Variants in PTPRN2 observed in about 807,000 individuals in gnomAD.
PTPRN2 encodes the protein protein tyrosine phosphatase receptor type N2.
PTPRN2 carries 74 observed loss-of-function variants against 118.8 expected under a neutral mutation model. The observed-to-expected ratio is 0.62, with a 90% CI of 0.52 to 0.76. The LOEUF (loss-of-function observed/expected upper bound fraction) is 0.76. Among genes scored for constraint, PTPRN2 ranks in the 30% least tolerant of loss-of-function variants. PTPRN2 has a pLI of 0.00. For synonymous variants in PTPRN2, 641 were observed against 608.0 expected (o/e 1.05, Z -0.80); for missense variants, 1,481 against 1,394.4 (o/e 1.06, Z -0.99).
At chr7:158,303,182 A>AAAAAAAAAAAAAC (rs1274915635) in intron 3 of PTPRN2, among the ~76,000 whole-genome samples, 3 of 151,782 alleles carry the variant, frequency 2.0e-5, no homozygotes, top group African/African-American at 7.3e-5. Flanking sequence ...AAAAAAAAAA[A>AAAAAAAAAAAAAC]AAATTCTTTG....
chr7:157,755,165 G>A (rs187374682), intron 12 of PTPRN2, among the ~76,000 whole-genome samples: 3 of 152,170 alleles, frequency 2.0e-5, no homozygotes, highest in East Asian at 1.9e-4. Flanking sequence ...GATTACAGGC[G>A]TGAGCCACCA....
chr7:158,117,603 A>C (rs995348326), intron 9 of PTPRN2, among the ~76,000 whole-genome samples: 1 of 152,228 alleles, frequency 6.6e-6, no homozygotes, highest in Non-Finnish European at 1.5e-5. Context: ...ATTAACTCAG[A>C]GACACATTTT....
chr7:158,025,925 A>G (rs1807229081), intron 11 of PTPRN2, among the ~76,000 whole-genome samples: 1 of 152,190 alleles, frequency 6.6e-6, no homozygotes, highest in African/African-American at 2.4e-5. Flanking sequence ...TTTGCTTTCA[A>G]TTCCTTTTGT....
Position 157,548,845 on chromosome 7 carries a change from G to A in PTPRN2, c.2976+101C>T, listed in dbSNP as rs192736691. ...GGTCAGAGCAGAGCAATCGGTGTGC[G>A]GCTCACATTAAACCAGGCCCTCCCC... On this transcript the variant is annotated intron_variant, in intron 22 of 22. Transcript: ENST00000389418. The A allele has an allele frequency of 9.4e-4, 1,086 of 1,158,048 alleles. 9 individuals carry two copies. Among genetic ancestry groups the A allele is most frequent in the South Asian group, 6.9e-3 (551 of 79,728 alleles). 71.7% of individuals were successfully genotyped at this position (1,158,048 alleles called of 1,614,324 possible).
intron 1 of PTPRN2, among the ~76,000 whole-genome samples, chr7:158,586,374 C>CA (rs956629836): frequency 5.3e-5 from 8 of 152,210 alleles, no homozygotes; most frequent in African/African-American, 1.9e-4. Flanking sequence ...CCAGAAGGGC[C>CA]TAGAGGCCGA....
intron 3 of PTPRN2, among the ~76,000 whole-genome samples, chr7:158,280,625 C>T (rs1376832281): frequency 6.6e-6 from 1 of 152,218 alleles, no homozygotes; most frequent in Non-Finnish European, 1.5e-5. Flanking sequence ...GCCGAGAGAG[C>T]CTGGGGGAGC....
intron 11 of PTPRN2, among the ~76,000 whole-genome samples, chr7:157,980,952 C>A (rs1356162229): frequency 6.6e-6 from 1 of 152,056 alleles, no homozygotes; most frequent in Non-Finnish European, 1.5e-5. Flanking sequence ...AGCCAGTTCC[C>A]ACCAAACCCC....
At position 157,808,332 on chromosome 7, in the gene PTPRN2, G is replaced by A. The variant is rs547501868; in HGVS notation, c.1788+90341C>T. 9.9e-5 allele frequency among the ~76,000 whole-genome samples: 15 copies of A among 151,956 alleles called. No homozygotes were observed. In the East Asian group the frequency reaches 2.3e-3, roughly 23 times the overall value. ...GTGAGTACGTGAGTGGCAGGTAAGC[G>A]GGTGAGTGGCGGGTGAGTGAGCGAG... On this transcript the variant is annotated intron_variant, in intron 12 of 22. Coordinates refer to ENST00000389418, the MANE Select transcript of PTPRN2 (RefSeq NM_002847.5). This position sits in a 1 kb window ranked among gnomAD's most constrained non-coding sequence, Gnocchi z 5.0.
At position 157,618,900 on chromosome 7, in the gene PTPRN2, G is replaced by A. The variant is rs1802973327; in HGVS notation, c.2344+2462C>T. 6.6e-6 allele frequency: 1 copy of A among 152,372 alleles called. No individual in the cohort carries two copies. The highest frequency in any genetic ancestry group is 1.5e-5 in the Non-Finnish European group (1 of 68,238). The allele number at this position is 152,372 out of a possible 1,614,324, so 9.4% of individuals were successfully genotyped here. A position where few individuals can be genotyped will look rare whatever the true frequency, so the allele number is the denominator to read the frequency against. ...TGGGTCGGGAGAACCCTGGGAGGAG[G>A]TGCAGGCAGCTTCTTTCTGGCTCCA... On this transcript the variant is annotated intron_variant, in intron 15 of 22. Coordinates refer to ENST00000389418, the MANE Select transcript of PTPRN2 (RefSeq NM_002847.5). The surrounding 1 kb of genome is among the most constrained non-coding windows in gnomAD (Gnocchi z 4.2).
intron 13 of PTPRN2, among the ~76,000 whole-genome samples, chr7:157,662,660 G>A (rs879495344): frequency 3.3e-5 from 5 of 152,206 alleles, no homozygotes; most frequent in Non-Finnish European, 7.3e-5. Context: ...CTGGAGGTGC[G>A]TAAGAGCTTC....
At chr7:158,150,823 T>C (rs958456386) in intron 6 of PTPRN2, among the ~76,000 whole-genome samples, 1 of 151,898 alleles carries the variant, frequency 6.6e-6, no homozygotes, top group Non-Finnish European at 1.5e-5. Flanking sequence ...AACTCTCCCA[T>C]GATGGTTGCA....
chr7:157,951,948 A>G (rs1227331708), intron 11 of PTPRN2, among the ~76,000 whole-genome samples: 1 of 152,144 alleles, frequency 6.6e-6, no homozygotes, highest in African/African-American at 2.4e-5. Context: ...ACCTGCCACA[A>G]CTGCCGGCTG....
intron 13 of PTPRN2, among the ~76,000 whole-genome samples, chr7:157,657,747 CACAT>C (rs1795644426): frequency 7.4e-6 from 1 of 135,984 alleles, no homozygotes; most frequent in African/African-American, 2.8e-5. Context: ...CATATACACA[CACAT>C]ACACCACACA....
intron 2 of PTPRN2, among the ~76,000 whole-genome samples, chr7:158,349,753 G>A (rs1807780292): frequency 1.0e-5 from 1 of 99,302 alleles, no homozygotes; most frequent in South Asian, 4.8e-4. Flanking sequence ...CCTGAGGGCA[G>A]TGCTGAGGGT....
chr7:157,541,460 C>T (rs1012170066), intron 22 of PTPRN2, among the ~76,000 whole-genome samples: 18 of 152,240 alleles, frequency 1.2e-4, no homozygotes, highest in African/African-American at 3.6e-4. Flanking sequence ...GCACGAGGGA[C>T]GGGTTCACGA....
intron 5 of PTPRN2, among the ~76,000 whole-genome samples, chr7:158,186,213 G>C (rs954045525): frequency 6.6e-6 from 1 of 152,202 alleles, no homozygotes; most frequent in Non-Finnish European, 1.5e-5. Flanking sequence ...CAATGCGCAT[G>C]AAAGAAGCTG....
At chr7:157,599,930 C>T (rs1272184162) in intron 16 of PTPRN2, among the ~76,000 whole-genome samples, 1 of 128,978 alleles carries the variant, frequency 7.8e-6, no homozygotes, top group African/African-American at 3.0e-5. Context: ...CACCTCTCCA[C>T]CTGCCCACCT....
intron 22 of PTPRN2, among the ~76,000 whole-genome samples, chr7:157,544,119 ATGGAGAGAGG>A (rs1563198784): frequency 1.5e-5 from 2 of 132,628 alleles, no homozygotes; most frequent in African/African-American, 6.0e-5. Context: ...GTGGAGAGAG[ATGGAGAGAGG>A]CGGAGAGAGG....
At chr7:158,433,046 T>A (rs1401042806) in intron 2 of PTPRN2, among the ~76,000 whole-genome samples, 2 of 152,238 alleles carry the variant, frequency 1.3e-5, no homozygotes, top group Non-Finnish European at 2.9e-5. Context: ...GGAATCACAC[T>A]CTCTGCTCTC....
Sources: gnomAD v4.1 joint callset for allele counts (sites outside exome capture counted in the v4.1 genomes callset) on GRCh38, gnomAD v4.1.1 for gene constraint, Gnocchi (gnomAD v3.1) non-coding constraint, MANE v1.5 for transcripts, NCBI Gene and HGNC (gene_info 2026-07-23, HGNC 2026-07-21) for gene names.